LAMA2: variants seen among roughly 807,000 people sequenced by gnomAD.
The protein encoded by LAMA2 is laminin subunit alpha 2, also known as laminin subunit alpha-2.
A neutral mutation model predicts 364.8 loss-of-function variants in LAMA2; 269 were observed. The ratio of observed to expected loss-of-function variants is 0.74; its 90% CI spans 0.67 to 0.82. The LOEUF is 0.82. Ranked by LOEUF, LAMA2 falls within the 40% of genes least tolerant of loss-of-function variation. The pLI, the probability that LAMA2 is intolerant of heterozygous loss-of-function variation, is 0.00. For missense variants in LAMA2, 3,807 were observed against 3,873.2 expected (o/e 0.98, Z 0.45); for synonymous variants, 1,379 against 1,370.6 (o/e 1.01, Z -0.14).
intron 34 of LAMA2, among the ~76,000 whole-genome samples, chr6:129,374,744 A>AT (rs33988321): frequency 0.38 from 51,811 of 137,298 alleles, 11,067 homozygotes; most frequent in Non-Finnish European, 0.49. Flanking sequence ...TGCCCAGCTA[A>AT]TTTTTTTTTT....
At chr6:129,230,536 A>G (rs1450502194) in intron 12 of LAMA2, among the ~76,000 whole-genome samples, 1 of 152,114 alleles carries the variant, frequency 6.6e-6, no homozygotes, top group African/African-American at 2.4e-5. Context: ...TTCTTAGAAA[A>G]TAGAAAATAA....
chr6:129,109,065 T>A (rs989201187), intron 4 of LAMA2, among the ~76,000 whole-genome samples: 9 of 152,152 alleles, frequency 5.9e-5, no homozygotes, highest in African/African-American at 1.9e-4. Context: ...AATGAGCTAT[T>A]GAGTTTAACT....
chr6:129,253,770 G>A (rs1380262305), intron 14 of LAMA2, among the ~76,000 whole-genome samples: 2 of 152,156 alleles, frequency 1.3e-5, no homozygotes, highest in African/African-American at 4.8e-5. Flanking sequence ...ATTTATGTTG[G>A]ACAGTTTCAG....
chr6:129,013,481 C>A (rs1024929622), intron 1 of LAMA2, among the ~76,000 whole-genome samples: 2 of 151,796 alleles, frequency 1.3e-5, no homozygotes, highest in African/African-American at 2.4e-5. Flanking sequence ...AATGTGATAG[C>A]AAATGGCTAG....
intron 3 of LAMA2, among the ~76,000 whole-genome samples, chr6:129,067,476 C>T (rs926967098): frequency 3.9e-5 from 6 of 152,092 alleles, no homozygotes; most frequent in Admixed American, 1.3e-4. Context: ...AATTGGTTTC[C>T]GTTTGTCTAC....
At chr6:129,412,991 T>G (rs1780610187) in intron 40 of LAMA2, among the ~76,000 whole-genome samples, 1 of 152,186 alleles carries the variant, frequency 6.6e-6, no homozygotes, top group Non-Finnish European at 1.5e-5. Flanking sequence ...ACATTAAAAT[T>G]GACAGGTTAC....
chr6:129,289,670 G>A (rs1789551564), intron 19 of LAMA2, among the ~76,000 whole-genome samples: 1 of 151,474 alleles, frequency 6.6e-6, no homozygotes, highest in African/African-American at 2.4e-5. Flanking sequence ...ATTTTATTAT[G>A]GTAATTAATT....
At chr6:128,946,944 G>A (rs1015424210) in intron 1 of LAMA2, among the ~76,000 whole-genome samples, 4 of 152,180 alleles carry the variant, frequency 2.6e-5, no homozygotes, top group African/African-American at 4.8e-5. Context: ...AATGGTAAAT[G>A]AAATTACAAT....
At chr6:129,255,592 G>A (rs1267166461) in intron 14 of LAMA2, among the ~76,000 whole-genome samples, 2 of 151,872 alleles carry the variant, frequency 1.3e-5, no homozygotes, top group East Asian at 1.9e-4. Flanking sequence ...ACTTCATCAC[G>A]ATATAACTCA....
At chr6:129,344,889 T>C (rs575420382) in intron 30 of LAMA2, among the ~76,000 whole-genome samples, 62 of 152,262 alleles carry the variant, frequency 4.1e-4, no homozygotes, top group African/African-American at 1.4e-3. Context: ...TAGAAGCCAA[T>C]AACGTTGGCA....
intron 1 of LAMA2, among the ~76,000 whole-genome samples, chr6:128,906,491 T>C (rs1165685070): frequency 7.6e-6 from 1 of 131,128 alleles, no homozygotes; most frequent in Non-Finnish European, 1.6e-5. Context: ...TGTTTGTTTT[T>C]TTCTTGTAAA....
chr6:129,350,035 C>T (rs1378913071), intron 31 of LAMA2, among the ~76,000 whole-genome samples: 1 of 152,128 alleles, frequency 6.6e-6, no homozygotes, highest in African/African-American at 2.4e-5. Flanking sequence ...TTAAGGAGTA[C>T]AGTTCCAAAC....
chr6:129,026,366 A>T (rs1785820137), intron 1 of LAMA2, among the ~76,000 whole-genome samples: 1 of 152,214 alleles, frequency 6.6e-6, no homozygotes, highest in African/African-American at 2.4e-5. Context: ...TGAGCAGCAC[A>T]GTGGTAAGAA....
At chr6:129,475,287 T>C (rs1331760768) in intron 52 of LAMA2, 103 bp from the exon 53 acceptor site, 1 of 743,384 alleles carries the variant, frequency 1.3e-6, no homozygotes, top group Non-Finnish European at 2.2e-6. Context: ...AAATGATTTT[T>C]TAAAGATTTA....
chr6:129,173,877 G>A (rs983768082), intron 9 of LAMA2, among the ~76,000 whole-genome samples: 2 of 152,000 alleles, frequency 1.3e-5, no homozygotes, highest in Non-Finnish European at 2.9e-5. Flanking sequence ...TTTTCTTTTA[G>A]TTTTCTTCAT....
chr6:128,936,013 A>C (rs977847138), intron 1 of LAMA2, among the ~76,000 whole-genome samples: 1 of 151,938 alleles, frequency 6.6e-6, no homozygotes, highest in Admixed American at 6.6e-5. Flanking sequence ...GTGAGTTCTC[A>C]TGAGCTCTGA....
chr6:129,448,275 C>T (rs1040107411), intron 45 of LAMA2, among the ~76,000 whole-genome samples: 2 of 151,734 alleles, frequency 1.3e-5, no homozygotes, highest in African/African-American at 2.4e-5. Context: ...AAATAGAAAC[C>T]CTGTCCCCCC....
intron 9 of LAMA2, among the ~76,000 whole-genome samples, chr6:129,169,906 G>A (rs1297658913): frequency 4.1e-5 from 6 of 147,996 alleles, no homozygotes; most frequent in Admixed American, 2.7e-4. Context: ...TGTATGTGTC[G>A]AGGAATTTAT....
chr6:129,353,766 T>G (rs1003921244), intron 32 of LAMA2, among the ~76,000 whole-genome samples: 1 of 152,214 alleles, frequency 6.6e-6, no homozygotes, highest in Admixed American at 6.5e-5. Flanking sequence ...CTTTAAGCCT[T>G]GAATGACAAC....
Sources: allele counts gnomAD v4.1 joint callset (sites outside exome capture counted in the v4.1 genomes callset), GRCh38; gene constraint gnomAD v4.1.1; transcripts MANE v1.5; gene names NCBI Gene and HGNC (gene_info 2026-07-23, HGNC 2026-07-21).